The following EMC2 variants were observed in gnomAD, a reference collection of about 807,000 sequenced individuals.
The protein encoded by EMC2 is ER membrane protein complex subunit 2.
Under a neutral mutation model 51.6 loss-of-function variants are expected in EMC2, and 37 were observed. That is an observed-to-expected ratio of 0.72 (90% CI 0.55 to 0.94). The LOEUF is 0.94. Among genes scored for constraint, EMC2 ranks in the 40% least tolerant of loss-of-function variants. EMC2 has a pLI of 0.00. For missense variants in EMC2, 359 were observed against 350.9 expected (o/e 1.02, Z -0.18); for synonymous variants, 131 against 112.4 (o/e 1.17, Z -1.04).
chr8:108,478,979 G>C (rs751219190), intron 9 of EMC2, 27 bp from the exon 10 acceptor site: 29 of 1,398,018 alleles, frequency 2.1e-5, no homozygotes, highest in Admixed American at 8.3e-5. Context: ...AAGGAATTTT[G>C]CTTTTGATGT....
At chr8:108,462,954 C>CT (rs1303895810) in intron 5 of EMC2, among the ~76,000 whole-genome samples, 2 of 152,052 alleles carry the variant, frequency 1.3e-5, no homozygotes, top group African/African-American at 2.4e-5. Flanking sequence ...TCCTTTTACG[C>CT]TTTTTTCAAA....
intron 5 of EMC2, among the ~76,000 whole-genome samples, chr8:108,462,731 C>G (rs188636157): frequency 1.7e-5 from 2 of 115,228 alleles, no homozygotes; most frequent in African/African-American, 7.7e-5. Flanking sequence ...TGCTGAACAT[C>G]TTTTAATATT....
intron 1 of EMC2, among the ~76,000 whole-genome samples, chr8:108,443,944 C>T (rs985885226): frequency 6.6e-6 from 1 of 152,112 alleles, no homozygotes; most frequent in Admixed American, 6.5e-5. Context: ...TCCAGCGTCC[C>T]GGGGCCGCTT....
intron 5 of EMC2, among the ~76,000 whole-genome samples, chr8:108,465,075 C>T (rs1819435635): frequency 6.6e-6 from 1 of 151,950 alleles, no homozygotes; most frequent in Non-Finnish European, 1.5e-5. Flanking sequence ...CCCCAGGTAG[C>T]CTATTTAAAA....
intron 5 of EMC2, among the ~76,000 whole-genome samples, chr8:108,458,613 A>AG (rs1491139282): frequency 6.6e-6 from 1 of 151,660 alleles, no homozygotes; most frequent in African/African-American, 2.4e-5. Flanking sequence ...TTTCGGCCAC[A>AG]GGGGGAGTGG....
At chr8:108,446,054 A>C (rs1390252176) in intron 1 of EMC2, 1 of 153,520 alleles carries the variant, frequency 6.5e-6, no homozygotes, top group East Asian at 1.9e-4. Context: ...TTATTTGTAT[A>C]ATTTCACTAT....
At chr8:108,472,633 A>G (rs1032402945) in intron 7 of EMC2, among the ~76,000 whole-genome samples, 6 of 151,850 alleles carry the variant, frequency 4.0e-5, no homozygotes, top group Admixed American at 2.0e-4. Context: ...GAAAATTACA[A>G]TCAGTTCACT....
At chr8:108,481,835 CATT>C (rs1357048329) in intron 10 of EMC2, among the ~76,000 whole-genome samples, 3 of 152,048 alleles carry the variant, frequency 2.0e-5, no homozygotes, top group Non-Finnish European at 4.4e-5. Flanking sequence ...ATATTTCTAT[CATT>C]ATTCAGTTTA....
At chr8:108,444,976 A>T (rs915753075) in intron 1 of EMC2, among the ~76,000 whole-genome samples, 1 of 152,358 alleles carries the variant, frequency 6.6e-6, no homozygotes, top group African/African-American at 2.4e-5. Context: ...AATGCTTTTT[A>T]AAAAATGTTT....
rs1456786052 is a variant in EMC2, at chr8:108,469,838, C to T, written c.376C>T (p.Arg126Cys). Residue 126 changes from arginine to cysteine, a missense_variant, in exon 6 of 11, where the codon CGT becomes TGT. Physicochemically the swap from Arg to Cys is radical, Grantham distance 180. Transcript: ENST00000220853. ...EDPTNTAARK[R>C]KIAIRKAQGK... The stretch of plus-strand genomic sequence containing the variant: ...TGTCAACCCACAGGCTGCAAGAAAG[C>T]GTAAGATTGCCATTCGAAAAGCCCA... 5.0e-6 allele frequency: 8 copies of T among 1,613,152 alleles called. No homozygotes were observed. Among genetic ancestry groups the T allele is most frequent in the Non-Finnish European group, 6.8e-6 (8 of 1,179,318 alleles).
intron 1 of EMC2, among the ~76,000 whole-genome samples, chr8:108,445,382 T>A (rs1818854032): frequency 6.6e-6 from 1 of 152,242 alleles, no homozygotes; most frequent in Admixed American, 6.5e-5. Context: ...GTGAGCTGCC[T>A]ATGCTGGCCT....
intron 5 of EMC2, among the ~76,000 whole-genome samples, chr8:108,464,995 G>T (rs971795107): frequency 1.3e-5 from 2 of 152,104 alleles, no homozygotes; most frequent in African/African-American, 4.8e-5. Context: ...AGTGAGGCAG[G>T]GGGGAGGTTA....
chr8:108,474,859 T>A (rs1206756391), intron 7 of EMC2: 1 of 151,288 alleles, frequency 6.6e-6, no homozygotes, highest in Admixed American at 6.6e-5. Context: ...AATTTCCTTC[T>A]TCCTAGGGTT....
At chr8:108,471,584 G>A (rs567473317) in intron 7 of EMC2, among the ~76,000 whole-genome samples, 6 of 151,772 alleles carry the variant, frequency 4.0e-5, no homozygotes, top group African/African-American at 1.4e-4. Context: ...ATCTTCCGTA[G>A]TTTATACTTT....
intron 3 of EMC2, among the ~76,000 whole-genome samples, chr8:108,450,913 A>G (rs1277885182): frequency 6.6e-6 from 1 of 152,212 alleles, no homozygotes; most frequent in Non-Finnish European, 1.5e-5. Flanking sequence ...AAATACTAAT[A>G]ATGTTTGGCC....
chr8:108,485,562 C>T (rs1189536526), intron 10 of EMC2, among the ~76,000 whole-genome samples: 2 of 140,582 alleles, frequency 1.4e-5, no homozygotes, highest in Admixed American at 7.3e-5. Flanking sequence ...TATACACACA[C>T]ACACACATAC....
In EMC2 at chr8:108,487,884, T is replaced by G. The variant is rs7009774; in HGVS notation, c.*1286T>G. ...GAGTAATAGGCAGCTGATTAATATA[T>G]TCTGTGAAAGAACTCTTCTCATCTG... On this transcript the variant is annotated 3_prime_UTR_variant, in exon 11 of 11. Coordinates refer to ENST00000220853, the MANE Select transcript of EMC2 (RefSeq NM_014673.5). Among the ~76,000 whole-genome samples, 25,382 of 152,136 alleles carry G rather than the reference T, an allele frequency of 0.17. 3,785 individuals are homozygous for G. Among genetic ancestry groups the G allele is most frequent in the African/African-American group, 0.4 (16,470 of 41,456 alleles).
In EMC2 at chr8:108,449,882, G is replaced by T; in HGVS notation, c.100G>T (p.Val34Leu). 1.3e-6 allele frequency: 2 copies of T among 1,597,744 alleles called. No homozygotes were observed. The highest frequency in any genetic ancestry group is 1.7e-6 in the Non-Finnish European group (2 of 1,166,620). Residue 34 changes from valine (V) to leucine (L), a missense_variant, in exon 2 of 11, where the codon GTG (valine) becomes TTG (leucine). Physicochemically the swap from Val to Leu is conservative, Grantham distance 32. Coordinates refer to ENST00000220853, the MANE Select transcript of EMC2 (RefSeq NM_014673.5). ...AAACTCAAGAAATAGTGAGCAAATT[G>T]TGGAAGTTGGAGAAGAATTAATTAA... Reference protein sequence around the residue: ...EENSRNSEQIVEVGEELINEY... With the variant: ...EENSRNSEQILEVGEELINEY...
At chr8:108,455,789 C>T in intron 4 of EMC2, 84 bp from the exon 5 acceptor site, 1 of 506,894 alleles carries the variant, frequency 2.0e-6, no homozygotes, top group Non-Finnish European at 3.5e-6. Context: ...ATATTAAAGC[C>T]AGTTTAATTT....
Sources: gnomAD v4.1 joint callset for allele counts (sites outside exome capture counted in the v4.1 genomes callset) on GRCh38, gnomAD v4.1.1 for gene constraint, MANE v1.5 for transcripts, NCBI Gene and HGNC (gene_info 2026-07-23, HGNC 2026-07-21) for gene names.